NLGN1: variants seen among roughly 807,000 people sequenced by gnomAD.
The protein encoded by NLGN1 is neuroligin-1.
Under a neutral mutation model 65.5 loss-of-function variants are expected in NLGN1, and 12 were observed. The observed-to-expected ratio is 0.18, with a 90% CI of 0.12 to 0.30. NLGN1 has a LOEUF of 0.30. Ranked by LOEUF, NLGN1 falls within the 10% of genes least tolerant of loss-of-function variation. The probability of loss-of-function intolerance (pLI) is 1.00; values close to 1 mark genes in which losing one functional copy is unlikely to be tolerated. For synonymous variants in NLGN1, 350 were observed against 359.5 expected (o/e 0.97, Z 0.30); for missense variants, 750 against 1,007.1 (o/e 0.74, Z 3.46).
intron 2 of NLGN1, among the ~76,000 whole-genome samples, chr3:173,547,560 C>A (rs531608989): frequency 6.6e-6 from 1 of 152,286 alleles, no homozygotes; most frequent in South Asian, 2.1e-4. Flanking sequence ...AGTCCCAGAT[C>A]TCCAATGAAC....
Position 173,531,176 on chromosome 3 carries a change from G to A in NLGN1, c.-320-73103G>A, listed in dbSNP as rs144867126. Among the ~76,000 whole-genome samples, 153 of 152,040 alleles carry A rather than the reference G, an allele frequency of 1.0e-3. 1 individual carries two copies. The highest frequency in any genetic ancestry group is 6.8e-3 in the Middle Eastern group (2 of 292). ...TTTAAGCATACAAATCTAGGTAACTGTTTTATTTTGCCTTTTTATTGCTAT... is the reference window on the plus strand; with the variant it reads ...TTTAAGCATACAAATCTAGGTAACTATTTTATTTTGCCTTTTTATTGCTAT... On this transcript the variant is annotated intron_variant, in intron 2 of 6. Transcript: ENST00000457714.
At chr3:173,842,738 C>G (rs1725022856) in intron 4 of NLGN1, among the ~76,000 whole-genome samples, 1 of 152,208 alleles carries the variant, frequency 6.6e-6, no homozygotes, top group African/African-American at 2.4e-5. Flanking sequence ...CAGGGTACAG[C>G]CTGCCTTCCA....
intron 3 of NLGN1, among the ~76,000 whole-genome samples, chr3:173,641,042 G>A (rs1757336848): frequency 6.6e-6 from 1 of 152,074 alleles, no homozygotes. Context: ...ATATTTTGAA[G>A]TATTTGAGAT....
chr3:174,202,878 CTGT>C (rs1445768310), intron 4 of NLGN1: 33 of 152,334 alleles, frequency 2.2e-4, no homozygotes, highest in African/African-American at 7.2e-4. Flanking sequence ...TGAGGACAGG[CTGT>C]TAGTCCTCAG....
In NLGN1 at chr3:173,580,725, C is replaced by T. The variant is rs140059415; in HGVS notation, c.-320-23554C>T. Reference sequence around the variant, plus strand: ...TTTACTCCTCTTTCTTCATTGACTACCTTACTCTGTGAACTCATTTTACAC... The same window carrying T: ...TTTACTCCTCTTTCTTCATTGACTATCTTACTCTGTGAACTCATTTTACAC... On this transcript the variant is annotated intron_variant, in intron 2 of 6. Coordinates refer to ENST00000457714, the Ensembl canonical transcript of NLGN1. Among the ~76,000 whole-genome samples the T allele has an allele frequency of 9.5e-3, 1,449 of 152,078 alleles. 23 individuals are homozygous for T. The highest frequency in any genetic ancestry group is 0.031 in the African/African-American group (1,270 of 41,530).
At chr3:173,699,658 T>G (rs1361110802) in intron 3 of NLGN1, among the ~76,000 whole-genome samples, 1 of 152,214 alleles carries the variant, frequency 6.6e-6, no homozygotes, top group African/African-American at 2.4e-5. Context: ...GTAGCCTTTG[T>G]GGCCTTGAGT....
chr3:173,682,797 G>A (rs1764133673), intron 3 of NLGN1, among the ~76,000 whole-genome samples: 1 of 151,908 alleles, frequency 6.6e-6, no homozygotes, highest in Non-Finnish European at 1.5e-5. Flanking sequence ...AGGCATAAAT[G>A]GGTCAAGTCT....
Position 174,247,344 on chromosome 3 carries a change from C to T in NLGN1, c.647-27971C>T, listed in dbSNP as rs544225439. ...CTAGTCCCTGACCTCAACAGGCTCA[C>T]CAGTCATTGAGCTTCCATTTAACAC... On this transcript the variant is annotated intron_variant, in intron 4 of 6. Transcript: ENST00000457714. 2.0e-5 allele frequency among the ~76,000 whole-genome samples: 3 copies of T among 152,282 alleles called. 1 individual carries two copies. In the South Asian group the frequency reaches 6.2e-4, roughly 32 times the overall value.
At chr3:174,009,998 C>T (rs1456264114) in intron 4 of NLGN1, among the ~76,000 whole-genome samples, 1 of 152,032 alleles carries the variant, frequency 6.6e-6, no homozygotes, top group Non-Finnish European at 1.5e-5. Context: ...AGATTGGGAT[C>T]ACAAAAAGAA....
At chr3:173,820,081 A>C (rs1719925061) in intron 4 of NLGN1, among the ~76,000 whole-genome samples, 1 of 150,548 alleles carries the variant, frequency 6.6e-6, no homozygotes, top group East Asian at 2.1e-4. Flanking sequence ...CGGTAGGCTG[A>C]GGCAGGAGAA....
intron 4 of NLGN1, among the ~76,000 whole-genome samples, chr3:174,195,188 T>C (rs6765485): frequency 0.11 from 17,028 of 152,196 alleles, 1,126 homozygotes; most frequent in Admixed American, 0.15. Context: ...CTCACAGTCA[T>C]AGCTAGACCC....
At chr3:173,880,306 C>A (rs1732963910) in intron 4 of NLGN1, among the ~76,000 whole-genome samples, 1 of 151,696 alleles carries the variant, frequency 6.6e-6, no homozygotes, top group Non-Finnish European at 1.5e-5. Flanking sequence ...AACCAAAAGG[C>A]CAAAAAATGA....
At chr3:173,949,935 G>A (rs1747885561) in intron 4 of NLGN1, among the ~76,000 whole-genome samples, 1 of 152,096 alleles carries the variant, frequency 6.6e-6, no homozygotes, top group Non-Finnish European at 1.5e-5. Flanking sequence ...CCTGGAAAAT[G>A]CTTCAACTGA....
chr3:174,251,987 T>C (rs1252591106), intron 4 of NLGN1, among the ~76,000 whole-genome samples: 6 of 152,128 alleles, frequency 3.9e-5, no homozygotes, highest in Non-Finnish European at 1.5e-5. Flanking sequence ...ATAAAATTAG[T>C]TTATAACAAA....
chr3:174,080,922 G>GGT (rs571057944), intron 4 of NLGN1, among the ~76,000 whole-genome samples: 6,125 of 141,166 alleles, frequency 0.043, 145 homozygotes, highest in South Asian at 0.055. Context: ...TGACATTCCT[G>GGT]GTGTGTGTGT....
chr3:173,983,870 T>G (rs1719309652), intron 4 of NLGN1, among the ~76,000 whole-genome samples: 1 of 152,182 alleles, frequency 6.6e-6, no homozygotes, highest in Non-Finnish European at 1.5e-5. Context: ...TTACTAAAAT[T>G]GAAACTCCAC....
chr3:173,404,413 C>G (rs1445925682), intron 1 of NLGN1, among the ~76,000 whole-genome samples: 1 of 152,116 alleles, frequency 6.6e-6, no homozygotes, highest in Non-Finnish European at 1.5e-5. Flanking sequence ...GGCTCCATGC[C>G]TAGAGCTGTT....
chr3:174,055,392 C>G (rs1233175716), intron 4 of NLGN1, among the ~76,000 whole-genome samples: 1 of 151,860 alleles, frequency 6.6e-6, no homozygotes, highest in African/African-American at 2.4e-5. Context: ...GAAGGAACAA[C>G]ATATTTTAGG....
At chr3:173,919,227 A>G (rs1039434240) in intron 4 of NLGN1, among the ~76,000 whole-genome samples, 3 of 152,168 alleles carry the variant, frequency 2.0e-5, no homozygotes, top group Non-Finnish European at 4.4e-5. Flanking sequence ...AGACTCAGAC[A>G]TCTTTGGGAG....
Sources: gnomAD v4.1 joint callset for allele counts (sites outside exome capture counted in the v4.1 genomes callset) on GRCh38, gnomAD v4.1.1 for gene constraint, MANE v1.5 for transcripts, NCBI Gene and HGNC (gene_info 2026-07-23, HGNC 2026-07-21) for gene names.